Variants in TPTE2 observed in about 807,000 individuals in gnomAD.
TPTE2 encodes the protein phosphatidylinositol 3,4,5-trisphosphate 3-phosphatase TPTE2.
TPTE2 carries 53 observed loss-of-function variants against 78.6 expected under a neutral mutation model. The ratio of observed to expected loss-of-function variants is 0.67; its 90% CI spans 0.54 to 0.85. The LOEUF (loss-of-function observed/expected upper bound fraction) is 0.85, where lower values mean the gene tolerates loss of function less well. TPTE2 is among the 40% of genes least tolerant of loss of function. TPTE2 has a pLI of 0.00. For synonymous variants in TPTE2, 175 were observed against 206.2 expected, an observed-to-expected ratio of 0.85 and a Z score of 1.30; for missense variants, 461 against 623.0, an observed-to-expected ratio of 0.74 and a Z score of 2.77.
chr13:19,443,838 T>C (rs1877655415), intron 13 of TPTE2, among the ~76,000 whole-genome samples: 1 of 152,148 alleles, frequency 6.6e-6, no homozygotes, highest in East Asian at 1.9e-4. Flanking sequence ...GAACTGTATG[T>C]TGATGGCTGC....
rs187482058 is a variant in TPTE2 at position 19,464,910 on chromosome 13, A to G, written c.676+345T>C. 8.9e-4 allele frequency among the ~76,000 whole-genome samples: 136 copies of G among 152,360 alleles called. No individual in the cohort carries two copies. In the Middle Eastern group the frequency reaches 0.02, roughly 23 times the overall value. On this transcript the variant is annotated intron_variant, in intron 9 of 19. Transcript: ENST00000400230. Reference sequence around the variant, plus strand: ...CTCTGACTCAGAAAACCTGAGATCTACAAAACACTGACCTCATTCTCTGGG... The same window carrying G: ...CTCTGACTCAGAAAACCTGAGATCTGCAAAACACTGACCTCATTCTCTGGG...
intron 15 of TPTE2, among the ~76,000 whole-genome samples, chr13:19,433,003 A>C (rs1213271065): frequency 6.6e-6 from 1 of 152,112 alleles, no homozygotes; most frequent in Non-Finnish European, 1.5e-5. Flanking sequence ...ATACCTCCAA[A>C]CCTCAGTAGC....
chr13:19,506,246 A>T (rs1869022244), upstream of TPTE2, among the ~76,000 whole-genome samples: 1 of 116,508 alleles, frequency 8.6e-6, no homozygotes. Context: ...ATCTCGGCTC[A>T]CTGCAAGCTC....
chr13:19,549,104 G>A, the TPTE2 span, among the ~76,000 whole-genome samples: 63 of 128,038 alleles, frequency 4.9e-4, 1 homozygote, highest in African/African-American at 1.5e-3. Flanking sequence ...CACAAAAAGA[G>A]CAAAAACTCT....
the TPTE2 span, among the ~76,000 whole-genome samples, chr13:19,550,927 G>A: frequency 3.9e-5 from 6 of 151,958 alleles, no homozygotes; most frequent in East Asian, 1.9e-4. Flanking sequence ...AAGTAACTAC[G>A]ATTACAGGCA....
At chr13:19,518,333 A>G (rs954691958) in intron 1 of TPTE2, among the ~76,000 whole-genome samples, 1 of 152,232 alleles carries the variant, frequency 6.6e-6, no homozygotes, top group Non-Finnish European at 1.5e-5. Flanking sequence ...GAAACATCAC[A>G]TTGTACCTCA....
intron 10 of TPTE2, among the ~76,000 whole-genome samples, chr13:19,461,671 C>A (rs531610789): frequency 2.6e-4 from 40 of 152,222 alleles, no homozygotes; most frequent in Admixed American, 2.6e-3. Context: ...CCTTGTTTAT[C>A]TGAGTGCTCT....
chr13:19,554,743 TCTAA>T, the TPTE2 span, among the ~76,000 whole-genome samples: 1 of 152,244 alleles, frequency 6.6e-6, no homozygotes, highest in African/African-American at 2.4e-5. Context: ...CATTTACTCT[TCTAA>T]CTGTGTAAGC....
At chr13:19,529,608 T>C (rs542291445) in intron 1 of TPTE2, among the ~76,000 whole-genome samples, 118 of 152,290 alleles carry the variant, frequency 7.7e-4, no homozygotes, top group African/African-American at 2.7e-3. Flanking sequence ...GTAGCAGATA[T>C]GTGGCATACC....
chr13:19,446,990 C>G (rs865999363), intron 13 of TPTE2, among the ~76,000 whole-genome samples: 12 of 152,030 alleles, frequency 7.9e-5, no homozygotes, highest in African/African-American at 2.9e-4. Context: ...AATAAATCAC[C>G]ATCAAATTTA....
chr13:19,442,227 A>G (rs563102797), intron 13 of TPTE2, among the ~76,000 whole-genome samples: 135 of 152,206 alleles, frequency 8.9e-4, no homozygotes, highest in African/African-American at 3.2e-3. Context: ...AAAAAAATAC[A>G]TAGTATGTTC....
chr13:19,426,619 C>T, intron 17 of TPTE2, 102 bp from the exon 21 acceptor site: 1 of 653,276 alleles, frequency 1.5e-6, no homozygotes, highest in Non-Finnish European at 2.7e-6. Flanking sequence ...AGTACTTTTG[C>T]TCTCACAGCC....
At chr13:19,532,617 G>A (rs569531712) in intron 1 of TPTE2, among the ~76,000 whole-genome samples, 3 of 152,290 alleles carry the variant, frequency 2.0e-5, no homozygotes, top group South Asian at 2.1e-4. Flanking sequence ...GCTCAAAACA[G>A]ACTAACACAA....
At chr13:19,546,064 T>TG in the TPTE2 span, among the ~76,000 whole-genome samples, 6 of 152,100 alleles carry the variant, frequency 3.9e-5, no homozygotes, top group Non-Finnish European at 5.9e-5. Context: ...TGTTGTGGCA[T>TG]GCACCTGTAG....
At chr13:19,454,860 G>A (rs1455968182) in intron 10 of TPTE2, among the ~76,000 whole-genome samples, 1 of 152,074 alleles carries the variant, frequency 6.6e-6, no homozygotes, top group Non-Finnish European at 1.5e-5. Flanking sequence ...AAAGAAAATG[G>A]GCTCAATTTA....
chr13:19,423,967 A>T (rs1875804832), intron 19 of TPTE2, among the ~76,000 whole-genome samples: 1 of 152,226 alleles, frequency 6.6e-6, no homozygotes, highest in South Asian at 2.1e-4. Flanking sequence ...ATCTAAAAAA[A>T]ATACTTGTAA....
intron 10 of TPTE2, among the ~76,000 whole-genome samples, chr13:19,453,395 T>C (rs12585524): frequency 1.3e-5 from 2 of 151,940 alleles, no homozygotes; most frequent in South Asian, 2.1e-4. Flanking sequence ...TTCCTTAGTA[T>C]ACATATATAG....
intron 6 of TPTE2, among the ~76,000 whole-genome samples, chr13:19,473,331 T>A (rs1879739682): frequency 6.6e-6 from 1 of 152,190 alleles, no homozygotes; most frequent in African/African-American, 2.4e-5. Flanking sequence ...GATCCAAAGG[T>A]GCTGTCTGGG....
chr13:19,550,835 G>A, the TPTE2 span, among the ~76,000 whole-genome samples: 962 of 148,770 alleles, frequency 6.5e-3, 5 homozygotes, highest in Non-Finnish European at 9.1e-3. Flanking sequence ...TCACTCTGTC[G>A]CCCTGGCTAG....
Sources: allele counts gnomAD v4.1 joint callset (sites outside exome capture counted in the v4.1 genomes callset), GRCh38; gene constraint gnomAD v4.1.1; transcripts MANE v1.5; gene names NCBI Gene and HGNC (gene_info 2026-07-23, HGNC 2026-07-21).